SEC23A: variants seen among roughly 807,000 people sequenced by gnomAD.
SEC23A encodes the protein protein transport protein Sec23A.
Under a neutral mutation model 103.7 loss-of-function variants are expected in SEC23A, and 56 were observed. The observed-to-expected ratio is 0.54, with a 90% CI of 0.44 to 0.67. The LOEUF (loss-of-function observed/expected upper bound fraction) is 0.67, where lower values mean the gene tolerates loss of function less well. SEC23A is among the 30% of genes least tolerant of loss of function. The pLI, the probability that SEC23A is intolerant of heterozygous loss-of-function variation, is 0.00. For synonymous variants in SEC23A, 281 were observed against 293.0 expected (o/e 0.96, Z 0.42); for missense variants, 784 against 936.4 (o/e 0.84, Z 2.12).
intron 17 of SEC23A, among the ~76,000 whole-genome samples, chr14:39,041,729 C>T (rs978831421): frequency 1.3e-5 from 2 of 151,742 alleles, no homozygotes; most frequent in African/African-American, 4.8e-5. Context: ...ATTAACTGGG[C>T]GTGGTGGCAT....
At chr14:39,057,942 G>C (rs1332026545) in intron 13 of SEC23A, among the ~76,000 whole-genome samples, 1 of 152,096 alleles carries the variant, frequency 6.6e-6, no homozygotes, top group South Asian at 2.1e-4. Context: ...TTATTTCCAT[G>C]TTAATACACT....
chr14:39,100,989 G>T (rs567544140), intron 1 of SEC23A, among the ~76,000 whole-genome samples: 2 of 151,560 alleles, frequency 1.3e-5, no homozygotes, highest in East Asian at 4.0e-4. Flanking sequence ...GATTACAGGC[G>T]TGAGCTACTA....
chr14:39,096,268 C>A, intron 1 of SEC23A, 129 bp from the exon 2 acceptor site: 2 of 663,678 alleles, frequency 3.0e-6, no homozygotes, highest in Non-Finnish European at 5.2e-6. Flanking sequence ...CCGTGGCTCA[C>A]GCCGGTAATC....
chr14:39,094,939 A>T, intron 2 of SEC23A: 5 of 689,084 alleles, frequency 7.3e-6, no homozygotes, highest in Non-Finnish European at 1.3e-5. Context: ...CATTCCAAGA[A>T]TAAGAAGCTA....
intron 19 of SEC23A, among the ~76,000 whole-genome samples, chr14:39,035,744 T>C (rs558329514): frequency 6.6e-6 from 1 of 152,304 alleles, no homozygotes; most frequent in East Asian, 1.9e-4. Context: ...ATATGCTATG[T>C]TTAAGGTCCT....
intron 6 of SEC23A, among the ~76,000 whole-genome samples, chr14:39,086,153 T>C (rs1887437499): frequency 6.6e-6 from 1 of 152,156 alleles, no homozygotes; most frequent in African/African-American, 2.4e-5. Context: ...TTCAAACGCA[T>C]TCCTAGGTGA....
chr14:39,101,620 C>G (rs1463507918), intron 1 of SEC23A, among the ~76,000 whole-genome samples: 2 of 143,242 alleles, frequency 1.4e-5, no homozygotes, highest in African/African-American at 5.4e-5. Context: ...GAGACTCCGT[C>G]TCAAAAAAAA....
At chr14:39,068,240 G>A (rs1237190827) in intron 9 of SEC23A, among the ~76,000 whole-genome samples, 2 of 151,996 alleles carry the variant, frequency 1.3e-5, no homozygotes, top group Admixed American at 6.5e-5. Context: ...AACATATTAT[G>A]TTGGTGAGGC....
At chr14:39,051,792 G>C (rs150620611) in intron 14 of SEC23A, among the ~76,000 whole-genome samples, 6 of 151,694 alleles carry the variant, frequency 4.0e-5, no homozygotes, top group African/African-American at 9.7e-5. Flanking sequence ...GTGAAATCCC[G>C]TCTCTACTAA....
chr14:39,042,700 A>T, intron 17 of SEC23A, 86 bp downstream of exon 17: 1 of 817,876 alleles, frequency 1.2e-6, no homozygotes. Flanking sequence ...CATAGATGAA[A>T]CACTAGCCAT....
At chr14:39,100,474 G>A (rs896822270) in intron 1 of SEC23A, among the ~76,000 whole-genome samples, 1 of 150,486 alleles carries the variant, frequency 6.6e-6, no homozygotes, top group South Asian at 2.1e-4. Flanking sequence ...GTGCAATGGC[G>A]TGATCTCGGC....
chr14:39,083,559 C>CTTTTTT (rs531280423), intron 7 of SEC23A, among the ~76,000 whole-genome samples: 2 of 35,260 alleles, frequency 5.7e-5, no homozygotes, highest in South Asian at 1.5e-3. Flanking sequence ...GCAAAATAAA[C>CTTTTTT]TTTCTTTTTT....
At chr14:39,047,275 G>T in intron 15 of SEC23A, 1 of 524,436 alleles carries the variant, frequency 1.9e-6, no homozygotes. Flanking sequence ...GAGAAAGTGT[G>T]CAGAATTTAG....
chr14:39,033,024 C>A lies in SEC23A; in HGVS notation c.*215G>T. On this transcript the variant is annotated 3_prime_UTR_variant, in exon 20 of 20. Transcript: ENST00000307712. ...TTCAAATTTCTAGAACCAGCTATAACACTGTGGTAAGCAAAATAAATTTGT... is the reference window on the plus strand; with the variant it reads ...TTCAAATTTCTAGAACCAGCTATAAAACTGTGGTAAGCAAAATAAATTTGT... The A allele has an allele frequency of 1.8e-6, 1 of 558,332 alleles. No homozygotes were observed. Among genetic ancestry groups the A allele is most frequent in the Non-Finnish European group, 3.2e-6 (1 of 308,182 alleles). 34.6% of individuals were successfully genotyped at this position (558,332 alleles called of 1,614,324 possible).
At chr14:39,070,683 G>T (rs1886813390) in intron 9 of SEC23A, among the ~76,000 whole-genome samples, 2 of 152,134 alleles carry the variant, frequency 1.3e-5, no homozygotes, top group Non-Finnish European at 2.9e-5. Context: ...TTTTTGGAAG[G>T]GAACTTATTC....
chr14:39,058,443 G>A (rs1886324159), intron 13 of SEC23A, among the ~76,000 whole-genome samples: 1 of 152,148 alleles, frequency 6.6e-6, no homozygotes, highest in Admixed American at 6.5e-5. Flanking sequence ...AAATAGCTGG[G>A]ACTACAGGTG....
intron 15 of SEC23A, 127 bp downstream of exon 15, chr14:39,048,525 C>T (rs764169710): frequency 1.1e-5 from 7 of 661,736 alleles, no homozygotes; most frequent in Admixed American, 2.6e-5. Flanking sequence ...GACTAAGCCC[C>T]GGAGTTCCAG....
chr14:39,094,827 A>T, intron 2 of SEC23A: 1 of 589,236 alleles, frequency 1.7e-6, no homozygotes, highest in South Asian at 2.2e-5. Context: ...TATTATGTAG[A>T]TGAGAATAAG....
At chr14:39,060,089 A>ATGTGTGCACACACATGTGTG (rs1555327781) in intron 13 of SEC23A, among the ~76,000 whole-genome samples, 2 of 148,342 alleles carry the variant, frequency 1.3e-5, no homozygotes, top group Non-Finnish European at 3.0e-5. Flanking sequence ...GTCAAATTTA[A>ATGTGTGCACACACATGTGTG]TGTGTGCACA....
Sources: allele counts gnomAD v4.1 joint callset (sites outside exome capture counted in the v4.1 genomes callset), GRCh38; gene constraint gnomAD v4.1.1; transcripts MANE v1.5; gene names NCBI Gene and HGNC (gene_info 2026-07-23, HGNC 2026-07-21).